The following PTPRU variants were observed in gnomAD, a reference collection of about 807,000 sequenced individuals.
PTPRU encodes receptor-type tyrosine-protein phosphatase U.
Under a neutral mutation model 166.3 loss-of-function variants are expected in PTPRU, and 69 were observed. The ratio of observed to expected loss-of-function variants is 0.41; its 90% CI spans 0.34 to 0.51. The LOEUF is 0.51. PTPRU is among the 20% of genes least tolerant of loss of function. The probability of loss-of-function intolerance (pLI) is 0.09; values close to 1 mark genes in which losing one functional copy is unlikely to be tolerated. For synonymous variants in PTPRU, 793 were observed against 814.0 expected (o/e 0.97, Z 0.44); for missense variants, 1,657 against 2,013.7 (o/e 0.82, Z 3.39).
Position 29,265,638 on chromosome 1 carries a change from C to G in PTPRU, c.1144+4735C>G, listed in dbSNP as rs189071654. ...TCAGCCTCCCAAAATGCTGGGATTA[C>G]AAACATGAGCCACGGCACCTGGACA... On this transcript the variant is annotated intron_variant, in intron 7 of 29. Coordinates refer to ENST00000373779, the MANE Select transcript of PTPRU (RefSeq NM_133178.4). Among the ~76,000 whole-genome samples the G allele has an allele frequency of 9.2e-5, 14 of 152,278 alleles. No homozygotes were observed. In the East Asian group the frequency reaches 2.5e-3, roughly 27 times the overall value.
At chr1:29,251,457 G>A (rs987073227) in intron 1 of PTPRU, among the ~76,000 whole-genome samples, 1 of 152,162 alleles carries the variant, frequency 6.6e-6, no homozygotes, top group African/African-American at 2.4e-5. Context: ...GGGGTCATCT[G>A]TATGAGGCAG....
At position 29,275,481 on chromosome 1, in the gene PTPRU, C is replaced by T. The variant is rs1685751256; in HGVS notation, c.1178C>T (p.Ala393Val). 1 of 1,614,130 alleles carries T rather than the reference C, an allele frequency of 6.2e-7. No homozygotes were observed. The highest frequency in any genetic ancestry group is 1.3e-5 in the African/African-American group (1 of 75,064). Residue 393 changes from alanine to valine, a missense_variant, in exon 8 of 30, where the codon GCT becomes GTT. Transcript: ENST00000373779. ...AGGGCCCCCAAAGGCCTGGCTTTTG[C>T]TGAGATCCAGGCCCGTCAGCTGACC... Reference protein sequence around the residue: ...PMRAPKGLAFAEIQARQLTLQ... With the variant: ...PMRAPKGLAFVEIQARQLTLQ...
At chr1:29,275,860 A>C in intron 8 of PTPRU, 104 bp downstream of exon 8, 1 of 1,303,942 alleles carries the variant, frequency 7.7e-7, no homozygotes, top group Non-Finnish European at 1.0e-6. Flanking sequence ...TTTTTTGCTT[A>C]GGATTAAACC....
intron 7 of PTPRU, among the ~76,000 whole-genome samples, chr1:29,273,476 CCAGGCTGGT>C (rs1473229389): frequency 7.9e-5 from 12 of 152,166 alleles, no homozygotes; most frequent in Admixed American, 2.6e-4. Flanking sequence ...TCCATGTTGG[CCAGGCTGGT>C]CTCAAACTCC....
Position 29,275,757 on chromosome 1 carries a change from G to A in PTPRU, c.1453+1G>A. The stretch of plus-strand genomic sequence containing the variant: ...GTCACTTTCCAGACGGATGAGGATG[G>A]TAAGAGTCTCAGTCCCAATTCCCGG... On this transcript the variant is annotated splice_donor_variant, in intron 8 of 29. Coordinates refer to ENST00000373779, the MANE Select transcript of PTPRU (RefSeq NM_133178.4). LOFTEE classifies it high-confidence loss of function. 1.2e-6 allele frequency: 2 copies of A among 1,612,820 alleles called. No individual in the cohort carries two copies. The highest frequency in any genetic ancestry group is 1.7e-6 in the Non-Finnish European group (2 of 1,178,932).
chr1:29,267,060 A>G (rs936156888), intron 7 of PTPRU, among the ~76,000 whole-genome samples: 4 of 152,188 alleles, frequency 2.6e-5, no homozygotes, highest in East Asian at 3.9e-4. Flanking sequence ...CCCTGTCTCT[A>G]CAACACAACA....
chr1:29,280,921 C>T lies in PTPRU; in HGVS notation c.1868+780C>T, dbSNP rs543520372. Reference sequence around the variant, plus strand: ...GTATTATTACCTTCATTTTACATATCGGGAAACTGACTCAGAGCCTGAATC... The same window carrying T: ...GTATTATTACCTTCATTTTACATATTGGGAAACTGACTCAGAGCCTGAATC... On this transcript the variant is annotated intron_variant, in intron 11 of 29. Coordinates refer to ENST00000373779, the MANE Select transcript of PTPRU (RefSeq NM_133178.4). This position sits in a 1 kb window ranked among gnomAD's most constrained non-coding sequence, Gnocchi z 4.2. Among the ~76,000 whole-genome samples, 4 of 152,124 alleles carry T rather than the reference C, an allele frequency of 2.6e-5. No individual in the cohort carries two copies. Among genetic ancestry groups the T allele is most frequent in the South Asian group, 2.1e-4 (1 of 4,816 alleles).
chr1:29,293,084 A>G (rs1026683835), intron 15 of PTPRU, among the ~76,000 whole-genome samples: 1 of 152,048 alleles, frequency 6.6e-6, no homozygotes, highest in Non-Finnish European at 1.5e-5. Flanking sequence ...GGTTGGAGCA[A>G]TTCTCCTGGC....
chr1:29,321,199 T>TC (rs1688143890), intron 26 of PTPRU, among the ~76,000 whole-genome samples: 1 of 138,848 alleles, frequency 7.2e-6, no homozygotes, highest in Non-Finnish European at 1.5e-5. Context: ...CTGTCTGATT[T>TC]TTTTTTTTTT....
chr1:29,301,707 A>G (rs1188835756), intron 15 of PTPRU, among the ~76,000 whole-genome samples: 1 of 152,100 alleles, frequency 6.6e-6, no homozygotes, highest in Non-Finnish European at 1.5e-5. Flanking sequence ...TACATTAGGT[A>G]TATCTCCTAA....
chr1:29,309,523 A>G (rs1212907305), intron 18 of PTPRU, among the ~76,000 whole-genome samples: 1 of 152,118 alleles, frequency 6.6e-6, no homozygotes, highest in Non-Finnish European at 1.5e-5. Context: ...ATCTTCAAGG[A>G]TACTGCTTCA....
Position 29,271,718 on chromosome 1 carries a change from C to A in PTPRU, c.1145-3730C>A, listed in dbSNP as rs990710285. 5.9e-5 allele frequency among the ~76,000 whole-genome samples: 9 copies of A among 152,162 alleles called. No individual in the cohort carries two copies. Among genetic ancestry groups the A allele is most frequent in the African/African-American group, 2.2e-4 (9 of 41,430 alleles). On this transcript the variant is annotated intron_variant, in intron 7 of 29. Transcript: ENST00000373779. The surrounding 1 kb of genome is among the most constrained non-coding windows in gnomAD (Gnocchi z 4.4). ...TCATCTAGAGGTGAGCAGTAGCTGC[C>A]CCTTTTGGATGGGACACTACTGTCC... is the stretch of plus-strand genomic sequence containing the variant.
At chr1:29,290,664 G>C (rs1399104024) in intron 14 of PTPRU, among the ~76,000 whole-genome samples, 1 of 152,234 alleles carries the variant, frequency 6.6e-6, no homozygotes, top group Non-Finnish European at 1.5e-5. Context: ...TCAACACCCA[G>C]CGACTCGCGC....
intron 21 of PTPRU, 112 bp from the exon 22 acceptor site, chr1:29,312,440 T>G: frequency 1.0e-6 from 1 of 994,096 alleles, no homozygotes; most frequent in Non-Finnish European, 1.4e-6. Flanking sequence ...ATCATTGGGA[T>G]TAGTTGAGAT....
At chr1:29,250,305 A>G (rs1684493962) in intron 1 of PTPRU, among the ~76,000 whole-genome samples, 1 of 152,180 alleles carries the variant, frequency 6.6e-6, no homozygotes, top group South Asian at 2.1e-4. Context: ...TTGTACTGGC[A>G]GGGAAAAATC....
chr1:29,311,664 C>T lies in PTPRU; in HGVS notation c.2977C>T (p.Pro993Ser). 1 of 1,614,148 alleles carries T rather than the reference C, an allele frequency of 6.2e-7. No individual in the cohort carries two copies. ...CTAGGTGAAATGCTCACGGTACTGG[C>T]CGGAGGACTCAGACACCTACGGGGA... ...VGRVKCSRYW[P>S]EDSDTYGDIK... is the part of the protein sequence containing the mutation. Residue 993 changes from proline (P) to serine (S), a missense_variant, in exon 21 of 30, where the codon CCG becomes TCG. Pro to Ser is a moderately conservative substitution (Grantham distance 74, BLOSUM62 -1). This residue lies in a region of PTPRU where 1,190 missense variants were observed against 1,477.4 expected (regional missense o/e 0.81). Coordinates refer to ENST00000373779, the MANE Select transcript of PTPRU (RefSeq NM_133178.4). This position sits in a 1 kb window ranked among gnomAD's most constrained non-coding sequence, Gnocchi z 4.1.
intron 15 of PTPRU, among the ~76,000 whole-genome samples, chr1:29,302,616 C>T (rs1015820602): frequency 1.3e-5 from 2 of 152,120 alleles, no homozygotes; most frequent in Non-Finnish European, 2.9e-5. Flanking sequence ...GTGGCGCGAT[C>T]TTGGCTCACT....
At chr1:29,245,677 C>A (rs1684264692) in intron 1 of PTPRU, among the ~76,000 whole-genome samples, 1 of 83,954 alleles carries the variant, frequency 1.2e-5, no homozygotes, top group Admixed American at 1.1e-4. Context: ...CATGATCCTG[C>A]CATGGTCCTG....
chr1:29,303,804 C>T (rs143038249), intron 15 of PTPRU, 51 bp from the exon 16 acceptor site: 161 of 1,512,836 alleles, frequency 1.1e-4, no homozygotes, highest in Middle Eastern at 7.1e-4. Context: ...CCAGGACCCC[C>T]GAGGCTGGGG....
Sources: allele counts gnomAD v4.1 joint callset (sites outside exome capture counted in the v4.1 genomes callset), GRCh38; gene constraint gnomAD v4.1.1; regional missense constraint gnomAD v4.1.1; non-coding constraint Gnocchi (gnomAD v3.1); transcripts MANE v1.5; gene names NCBI Gene and HGNC (gene_info 2026-07-23, HGNC 2026-07-21).